Variants in CDH13 observed in about 807,000 individuals in gnomAD.
CDH13 encodes the protein cadherin 13.
Under a neutral mutation model 63.8 loss-of-function variants are expected in CDH13, and 24 were observed. The ratio of observed to expected loss-of-function variants is 0.38; its 90% CI spans 0.27 to 0.53. The LOEUF (loss-of-function observed/expected upper bound fraction) is 0.53. CDH13 is among the 20% of genes least tolerant of loss of function. CDH13 has a pLI of 0.85. For missense variants in CDH13, 1,049 were observed against 903.1 expected, an observed-to-expected ratio of 1.16 and a Z score of -2.07; for synonymous variants, 503 against 355.3, an observed-to-expected ratio of 1.42 and a Z score of -4.67.
chr16:83,082,473 A>G (rs908832246), intron 3 of CDH13, among the ~76,000 whole-genome samples: 1 of 151,616 alleles, frequency 6.6e-6, no homozygotes, highest in African/African-American at 2.4e-5. Flanking sequence ...AAAAATAAAA[A>G]TAAAAAAAAA....
intron 2 of CDH13, among the ~76,000 whole-genome samples, chr16:82,873,560 G>T (rs1349857339): frequency 3.3e-5 from 5 of 152,120 alleles, no homozygotes; most frequent in Admixed American, 2.0e-4. Flanking sequence ...CACAATGGGT[G>T]GTGTTTTTAA....
At chr16:83,287,784 A>T (rs1398645937) in intron 5 of CDH13, among the ~76,000 whole-genome samples, 1 of 152,202 alleles carries the variant, frequency 6.6e-6, no homozygotes. Context: ...GGTCCATGAA[A>T]AAATTGTCTT....
intron 2 of CDH13, among the ~76,000 whole-genome samples, chr16:82,894,864 G>A (rs1567638400): frequency 1.3e-5 from 2 of 152,304 alleles, no homozygotes; most frequent in Middle Eastern, 3.4e-3. Context: ...AGACTATGGC[G>A]AAGGCCTTGG....
chr16:83,201,937 G>A (rs1406500618), intron 4 of CDH13, among the ~76,000 whole-genome samples: 5 of 151,994 alleles, frequency 3.3e-5, no homozygotes, highest in Non-Finnish European at 5.9e-5. Flanking sequence ...AAAAGATTGA[G>A]TAATGTCAGA....
intron 1 of CDH13, among the ~76,000 whole-genome samples, chr16:82,749,587 G>A (rs1311184101): frequency 2.0e-5 from 3 of 152,194 alleles, no homozygotes; most frequent in Admixed American, 6.6e-5. Flanking sequence ...TACAGAGTGA[G>A]AGAGCTGGGA....
chr16:83,618,760 A>T (rs1441892148), intron 8 of CDH13, among the ~76,000 whole-genome samples: 1 of 152,122 alleles, frequency 6.6e-6, no homozygotes, highest in Non-Finnish European at 1.5e-5. Flanking sequence ...AAAATCAAGA[A>T]AACTCAATGT....
At chr16:83,393,561 C>T (rs1567640774) in intron 6 of CDH13, among the ~76,000 whole-genome samples, 1 of 152,164 alleles carries the variant, frequency 6.6e-6, no homozygotes, top group African/African-American at 2.4e-5. Context: ...AATCCCCAGC[C>T]CACAGTTTTG....
intron 5 of CDH13, among the ~76,000 whole-genome samples, chr16:83,225,109 G>A (rs909140979): frequency 2.6e-5 from 4 of 152,254 alleles, no homozygotes; most frequent in South Asian, 2.1e-4. Context: ...CTCTCGGGGT[G>A]GGTCTCTCCA....
chr16:83,156,167 G>C (rs1429992365), intron 4 of CDH13, among the ~76,000 whole-genome samples: 1 of 152,168 alleles, frequency 6.6e-6, no homozygotes, highest in East Asian at 1.9e-4. Flanking sequence ...ACATAGCGTG[G>C]TTATAAATTA....
intron 1 of CDH13, among the ~76,000 whole-genome samples, chr16:82,636,163 G>A (rs1037014776): frequency 1.3e-5 from 2 of 152,168 alleles, no homozygotes; most frequent in Non-Finnish European, 2.9e-5. Context: ...TGGGTATGGA[G>A]ATGGCAGGGC....
intron 5 of CDH13, among the ~76,000 whole-genome samples, chr16:83,245,231 C>T (rs909292071): frequency 6.6e-6 from 1 of 152,144 alleles, no homozygotes; most frequent in African/African-American, 2.4e-5. Flanking sequence ...GGCTCTCTGC[C>T]ACCCCCCACT....
chr16:82,648,246 G>A (rs929682942), intron 1 of CDH13, among the ~76,000 whole-genome samples: 1 of 152,194 alleles, frequency 6.6e-6, no homozygotes, highest in African/African-American at 2.4e-5. Flanking sequence ...ATACACATCT[G>A]AGAAGTTAAA....
chr16:82,977,279 A>G (rs2151379943), intron 2 of CDH13, among the ~76,000 whole-genome samples: 1 of 152,252 alleles, frequency 6.6e-6, no homozygotes. Context: ...GCCAACCCTC[A>G]GCCCTGGGAG....
intron 2 of CDH13, among the ~76,000 whole-genome samples, chr16:82,983,829 C>A: frequency 6.6e-6 from 1 of 152,126 alleles, no homozygotes; most frequent in African/African-American, 2.4e-5. Flanking sequence ...CTGGGACTGA[C>A]TGTAAGGGGG....
intron 1 of CDH13, among the ~76,000 whole-genome samples, chr16:82,653,396 G>T (rs1316281568): frequency 6.6e-6 from 1 of 152,196 alleles, no homozygotes; most frequent in Non-Finnish European, 1.5e-5. Context: ...GGAGAGACCA[G>T]CCCAACTTTG....
intron 1 of CDH13, among the ~76,000 whole-genome samples, chr16:82,642,321 T>C (rs560504923): frequency 4.5e-4 from 68 of 152,338 alleles, no homozygotes; most frequent in Non-Finnish European, 7.9e-4. Flanking sequence ...CCTTGAACTC[T>C]TTTAAGTTGC....
At chr16:83,664,378 G>A (rs1192983615) in intron 8 of CDH13, among the ~76,000 whole-genome samples, 2 of 152,122 alleles carry the variant, frequency 1.3e-5, no homozygotes, top group African/African-American at 4.8e-5. Context: ...CAGGTCCCTT[G>A]AGTGGCTCTG....
chr16:83,622,965 A>G (rs952482632), intron 8 of CDH13, among the ~76,000 whole-genome samples: 1 of 152,188 alleles, frequency 6.6e-6, no homozygotes, highest in African/African-American at 2.4e-5. Context: ...AAAATAGTAC[A>G]AGGGTGAATC....
intron 7 of CDH13, among the ~76,000 whole-genome samples, chr16:83,495,704 G>A (rs2074122641): frequency 6.6e-6 from 1 of 152,170 alleles, no homozygotes; most frequent in African/African-American, 2.4e-5. Context: ...GAGTCAGGCT[G>A]GAAAGTAAGC....
Sources: gnomAD v4.1 joint callset for allele counts (sites outside exome capture counted in the v4.1 genomes callset) on GRCh38, gnomAD v4.1.1 for gene constraint, MANE v1.5 for transcripts, NCBI Gene and HGNC (gene_info 2026-07-23, HGNC 2026-07-21) for gene names.